ITIH5: variants seen among roughly 807,000 people sequenced by gnomAD.
ITIH5 encodes the protein inter-alpha-trypsin inhibitor heavy chain H5.
A neutral mutation model predicts 77.5 loss-of-function variants in ITIH5; 65 were observed. The ratio of observed to expected loss-of-function variants is 0.84; its 90% CI spans 0.69 to 1.03. The LOEUF is 1.03. Ranked by LOEUF, ITIH5 falls within the 50% of genes least tolerant of loss-of-function variation. The pLI is 0.00. For missense variants in ITIH5, 1,208 were observed against 1,213.1 expected, an observed-to-expected ratio of 1.00 and a Z score of 0.06; for synonymous variants, 525 against 494.3, an observed-to-expected ratio of 1.06 and a Z score of -0.82.
At chr10:7,609,448 TA>T in intron 7 of ITIH5, 2 of 456,696 alleles carry the variant, frequency 4.4e-6, no homozygotes, top group Non-Finnish European at 8.8e-6. Context: ...AATATCCAAA[TA>T]GCCCTTGGGA....
chr10:7,588,511 T>C (rs1832727790), intron 7 of ITIH5, among the ~76,000 whole-genome samples: 1 of 152,174 alleles, frequency 6.6e-6, no homozygotes, highest in Non-Finnish European at 1.5e-5. Flanking sequence ...AGTGAAAATG[T>C]GTCTCAAAAA....
intron 5 of ITIH5, among the ~76,000 whole-genome samples, chr10:7,633,847 T>C (rs1833751537): frequency 6.6e-6 from 1 of 151,836 alleles, no homozygotes; most frequent in Admixed American, 6.6e-5. Context: ...CCCAGCACTT[T>C]GGGAGGCCGA....
At chr10:7,571,983 C>A (rs979293037) in intron 11 of ITIH5, 2 of 1,004,592 alleles carry the variant, frequency 2.0e-6, no homozygotes, top group Non-Finnish European at 2.4e-6. Flanking sequence ...CATACCACAC[C>A]ATTTCTACTC....
intron 1 of ITIH5, among the ~76,000 whole-genome samples, chr10:7,657,483 AT>A (rs1156570159): frequency 6.6e-6 from 1 of 152,160 alleles, no homozygotes; most frequent in African/African-American, 2.4e-5. Flanking sequence ...GAAAAAAAAA[AT>A]GAACACAAAA....
intron 2 of ITIH5, among the ~76,000 whole-genome samples, chr10:7,652,514 G>C (rs1834118549): frequency 1.3e-5 from 2 of 152,148 alleles, no homozygotes; most frequent in Admixed American, 1.3e-4. Flanking sequence ...GTACCAACTG[G>C]ATGGTCAGTA....
chr10:7,644,597 TACATATCAC>T (rs1442263705), intron 2 of ITIH5, among the ~76,000 whole-genome samples: 26 of 115,294 alleles, frequency 2.3e-4, no homozygotes, highest in South Asian at 8.8e-4. Context: ...ATATATATCA[TACATATCAC>T]ATATATCACA....
intron 2 of ITIH5, among the ~76,000 whole-genome samples, chr10:7,648,633 A>G (rs1564280133): frequency 6.6e-6 from 1 of 152,228 alleles, no homozygotes; most frequent in Non-Finnish European, 1.5e-5. Context: ...CCTTCTGCTA[A>G]TAGTTCTTGC....
chr10:7,580,500 A>G (rs1189003028), intron 8 of ITIH5, among the ~76,000 whole-genome samples: 5 of 152,188 alleles, frequency 3.3e-5, no homozygotes, highest in Non-Finnish European at 5.9e-5. Flanking sequence ...CCATCCAGAA[A>G]CTTGCTAAAA....
At chr10:7,645,897 C>A (rs554947564) in intron 2 of ITIH5, among the ~76,000 whole-genome samples, 1 of 152,148 alleles carries the variant, frequency 6.6e-6, no homozygotes, top group African/African-American at 2.4e-5. Context: ...ATCTTAACAG[C>A]ATGACAACCT....
intron 1 of ITIH5, among the ~76,000 whole-genome samples, chr10:7,664,936 A>C (rs1834337917): frequency 6.6e-6 from 1 of 152,216 alleles, no homozygotes; most frequent in Non-Finnish European, 1.5e-5. Flanking sequence ...ACAAACGTTA[A>C]GTAACTCCTC....
At chr10:7,573,907 A>G (rs1028221274) in intron 10 of ITIH5, among the ~76,000 whole-genome samples, 2 of 152,206 alleles carry the variant, frequency 1.3e-5, no homozygotes, top group African/African-American at 4.8e-5. Context: ...TGCAAGATGG[A>G]AAAGTTCTAG....
intron 3 of ITIH5, among the ~76,000 whole-genome samples, chr10:7,641,650 A>AGGG (rs1564275777): frequency 0.11 from 8,741 of 82,808 alleles, 587 homozygotes; most frequent in East Asian, 0.29. Context: ...GGAAGGAAGG[A>AGGG]AGGGAGGGAG....
intron 13 of ITIH5, among the ~76,000 whole-genome samples, chr10:7,565,628 T>C (rs985303050): frequency 1.3e-5 from 2 of 148,704 alleles, no homozygotes; most frequent in South Asian, 4.2e-4. Flanking sequence ...TATGTATATG[T>C]ATATATGTAT....
intron 11 of ITIH5, 58 bp downstream of exon 11, chr10:7,573,084 T>C (rs1208534025): frequency 6.5e-7 from 1 of 1,541,938 alleles, no homozygotes. Flanking sequence ...GGCCTGGTTT[T>C]ACACTTTTTA....
At chr10:7,590,941 G>T (rs943127608) in intron 7 of ITIH5, among the ~76,000 whole-genome samples, 3 of 152,186 alleles carry the variant, frequency 2.0e-5, no homozygotes, top group African/African-American at 7.2e-5. Context: ...TCTGTCACCA[G>T]GCTGGAGTGC....
In ITIH5 at chr10:7,585,931, CT is replaced by C; in HGVS notation, c.1077del (p.Val360CysfsTer45). Reference protein sequence around the residue: ...SVTPDSIRDGKVYIHHMSPTG... With the variant: ...SVTPDSIRDGXVYIHHMSPTG... ...GTGGGTGACATATGGTGAATGTACA[CT>C]TTCCCATCCCTGATGCTGTCTGGAG... On this transcript the variant is annotated frameshift_variant, in exon 8 of 14. Coordinates refer to ENST00000397146, the MANE Select transcript of ITIH5 (RefSeq NM_030569.7). LOFTEE classifies it high-confidence loss of function. 6.2e-7 allele frequency: 1 copy of C among 1,613,740 alleles called. No homozygotes were observed. Among genetic ancestry groups the C allele is most frequent in the African/African-American group, 1.3e-5 (1 of 74,962 alleles).
chr10:7,594,311 C>T (rs1435170341), intron 7 of ITIH5, among the ~76,000 whole-genome samples: 1 of 152,178 alleles, frequency 6.6e-6, no homozygotes, highest in Non-Finnish European at 1.5e-5. Flanking sequence ...CACTTACCCT[C>T]AATGCTCTTT....
rs1344745784 is a variant in ITIH5 at position 7,566,133 on chromosome 10, G to A, written c.2424C>T (p.Ile808=). The change falls in exon 13 of 14, where the codon ATC becomes ATT. Residue 808 remains isoleucine, a synonymous_variant. Coordinates refer to ENST00000397146, the MANE Select transcript of ITIH5 (RefSeq NM_030569.7). ...CCGGCTTTTTGTAGAGGTGGATGAG[G>A]ATGACAAAGGCTATGGAGCCCTGGA... ...VTIQGSIAFV[I]LIHLYKKPAP... 3.1e-6 allele frequency: 5 copies of A among 1,613,964 alleles called. No homozygotes were observed. The South Asian group carries it at 5.5e-5, about 18-fold the overall frequency.
chr10:7,576,490 C>T lies in ITIH5; in HGVS notation c.1941G>A (p.Pro647=), dbSNP rs751839824. The T allele has an allele frequency of 3.0e-5, 48 of 1,608,066 alleles. No homozygotes were observed. The highest frequency in any genetic ancestry group is 1.8e-4 in the South Asian group (16 of 90,938). The change falls in exon 10 of 14, where the codon CCG becomes CCA. Residue 647 remains proline (P), a synonymous_variant. Coordinates refer to ENST00000397146, the MANE Select transcript of ITIH5 (RefSeq NM_030569.7). Reference sequence around the variant, plus strand: ...CAGCTCCTCGCACGCTCTGCACCACCGGTTCGGGTCCCATGGCAGCCGACA... The same window carrying T: ...CAGCTCCTCGCACGCTCTGCACCACTGGTTCGGGTCCCATGGCAGCCGACA... ...HGMSAAMGPE[P]VVQSVRGAGT... is the part of the protein sequence containing the mutation.
Sources: gnomAD v4.1 joint callset for allele counts (sites outside exome capture counted in the v4.1 genomes callset) on GRCh38, gnomAD v4.1.1 for gene constraint, MANE v1.5 for transcripts, NCBI Gene and HGNC (gene_info 2026-07-23, HGNC 2026-07-21) for gene names.